The following KIF26B variants were observed in gnomAD, a reference collection of about 807,000 sequenced individuals.
KIF26B encodes kinesin family member 26B.
Under a neutral mutation model 151.2 loss-of-function variants are expected in KIF26B, and 63 were observed. The observed-to-expected ratio is 0.42, with a 90% CI of 0.34 to 0.51. The LOEUF (loss-of-function observed/expected upper bound fraction) is 0.51, where lower values mean the gene tolerates loss of function less well. Ranked by LOEUF, KIF26B falls within the 20% of genes least tolerant of loss-of-function variation. KIF26B has a pLI of 0.07. For missense variants in KIF26B, 2,813 were observed against 2,913.6 expected, an observed-to-expected ratio of 0.97 and a Z score of 0.79; for synonymous variants, 1,357 against 1,262.1, an observed-to-expected ratio of 1.08 and a Z score of -1.59.
At chr1:245,677,903 C>G (rs1434018268) in intron 10 of KIF26B, among the ~76,000 whole-genome samples, 1 of 152,242 alleles carries the variant, frequency 6.6e-6, no homozygotes, top group Non-Finnish European at 1.5e-5. Context: ...CAGAATTGCC[C>G]TCAGCAGAGC....
chr1:245,545,298 C>T lies in KIF26B; in HGVS notation c.1350+4348C>T, dbSNP rs540145433. Among the ~76,000 whole-genome samples the T allele has an allele frequency of 1.2e-4, 18 of 152,248 alleles. No homozygotes were observed. In the South Asian group the frequency reaches 1.2e-3, roughly 11 times the overall value. ...TGTATTTTTAGTAGAGACGGGGTTT[C>T]TCCATCTTGGCGAGGCTGGTCTCAA... On this transcript the variant is annotated intron_variant, in intron 5 of 14. Transcript: ENST00000407071.
chr1:245,307,302 G>C (rs147204020), intron 2 of KIF26B, among the ~76,000 whole-genome samples: 2 of 152,278 alleles, frequency 1.3e-5, no homozygotes, highest in East Asian at 3.9e-4. Flanking sequence ...CAGAAGCTCT[G>C]TGAAAACACT....
At chr1:245,202,061 G>A (rs903950976) in intron 2 of KIF26B, among the ~76,000 whole-genome samples, 2 of 152,164 alleles carry the variant, frequency 1.3e-5, no homozygotes, top group African/African-American at 4.8e-5. Flanking sequence ...ATTTAGGATT[G>A]CGAGGCAGGC....
rs546364289 is a variant in KIF26B at position 245,688,939 on chromosome 1, A to G, written c.5824+132A>G. On this transcript the variant is annotated intron_variant, in intron 12 of 14. Transcript: ENST00000407071. ...CTGGCCTCTCCTTGCAGGTGGGCGA[A>G]CTGCCCAAACCCCACTGCCAGGGTG... is the stretch of plus-strand genomic sequence containing the variant. 73 of 1,143,628 alleles carry G rather than the reference A, an allele frequency of 6.4e-5. No homozygotes were observed. In the African/African-American group the frequency reaches 6.5e-4, roughly 10 times the overall value. The allele number at this position is 1,143,628 out of a possible 1,614,324, so 70.8% of individuals were successfully genotyped here.
intron 9 of KIF26B, among the ~76,000 whole-genome samples, chr1:245,630,166 C>CAGA (rs148219918): frequency 0.079 from 11,969 of 152,158 alleles, 580 homozygotes; most frequent in Admixed American, 0.16. Flanking sequence ...CTGTGGAAGA[C>CAGA]AGTGTGGTGA....
intron 4 of KIF26B, among the ~76,000 whole-genome samples, chr1:245,474,710 G>A (rs999134110): frequency 6.6e-6 from 1 of 151,824 alleles, no homozygotes; most frequent in Non-Finnish European, 1.5e-5. Context: ...ACCGCACGCA[G>A]CCTCAAACAC....
At position 245,318,041 on chromosome 1, in the gene KIF26B, T is replaced by C. The variant is rs1040776997; in HGVS notation, c.466-48793T>C. Among the ~76,000 whole-genome samples, 4 of 152,262 alleles carry C rather than the reference T, an allele frequency of 2.6e-5. No individual in the cohort carries two copies. The highest frequency in any genetic ancestry group is 9.6e-5 in the African/African-American group (4 of 41,550). On this transcript the variant is annotated intron_variant, in intron 2 of 14. Transcript: ENST00000407071. This position sits in a 1 kb window ranked among gnomAD's most constrained non-coding sequence, Gnocchi z 4.0. ...TTCCAGGTTAGTGCAGCGCCTGACCTCTCTCCAGAGGCACCCTCGTTTAGA... is the reference window on the plus strand; with the variant it reads ...TTCCAGGTTAGTGCAGCGCCTGACCCCTCTCCAGAGGCACCCTCGTTTAGA...
chr1:245,382,179 C>A (rs528220600), intron 3 of KIF26B, among the ~76,000 whole-genome samples: 1 of 152,284 alleles, frequency 6.6e-6, no homozygotes, highest in South Asian at 2.1e-4. Flanking sequence ...ATTTTACACT[C>A]CCACAAGAGT....
chr1:245,423,528 G>A (rs1658546879), intron 4 of KIF26B, among the ~76,000 whole-genome samples: 1 of 151,830 alleles, frequency 6.6e-6, no homozygotes, highest in Non-Finnish European at 1.5e-5. Context: ...TATAAAACAG[G>A]TGTGAAACTA....
At chr1:245,159,477 C>T (rs897860461) in intron 2 of KIF26B, among the ~76,000 whole-genome samples, 6 of 152,094 alleles carry the variant, frequency 3.9e-5, no homozygotes, top group Admixed American at 3.3e-4. Context: ...ACTATTAAAA[C>T]GTCATTAAAA....
rs1370938223 is a variant in KIF26B at position 245,488,197 on chromosome 1, C to T, written c.1167-52570C>T. Among the ~76,000 whole-genome samples the T allele has an allele frequency of 6.6e-6, 1 of 152,112 alleles. No homozygotes were observed. Among genetic ancestry groups the T allele is most frequent in the Admixed American group, 6.6e-5 (1 of 15,258 alleles). The stretch of plus-strand genomic sequence containing the variant: ...TTGGCCTCCCAAAGCACTGAGATTA[C>T]CAGCGTGAGCCACCACACTGGCCAA... On this transcript the variant is annotated intron_variant, in intron 4 of 14. Transcript: ENST00000407071. This position sits in a 1 kb window ranked among gnomAD's most constrained non-coding sequence, Gnocchi z 4.6.
chr1:245,540,818 C>T lies in KIF26B; in HGVS notation c.1218C>T (p.Ser406=), dbSNP rs375879990. The change falls in exon 5 of 15, where the codon TCC becomes TCT. Residue 406 remains serine (S), a synonymous_variant. Transcript: ENST00000407071. This position sits in a 1 kb window ranked among gnomAD's most constrained non-coding sequence, Gnocchi z 4.6. ...CTAAAAAGAAGAAACATCGGCCTTC[C>T]ACTTCTTCCGCTGCCGAACCACCGC... ...LSSKKKKHRP[S]TSSAAEPPLF... 3.2e-4 allele frequency: 514 copies of T among 1,613,926 alleles called. No individual in the cohort carries two copies. Among genetic ancestry groups the T allele is most frequent in the Non-Finnish European group, 4.1e-4 (478 of 1,179,870 alleles).
chr1:245,445,074 C>G (rs1659216535), intron 4 of KIF26B, among the ~76,000 whole-genome samples: 1 of 152,160 alleles, frequency 6.6e-6, no homozygotes. Context: ...GTCCTTTGCT[C>G]ACTTCGTATC....
chr1:245,283,186 A>C (rs1416417658), intron 2 of KIF26B: 1 of 158,068 alleles, frequency 6.3e-6, no homozygotes. Context: ...GGAGAGCAAC[A>C]CAGCCACTGA....
In KIF26B at chr1:245,487,435, G is replaced by C. The variant is rs72762842; in HGVS notation, c.1167-53332G>C. On this transcript the variant is annotated intron_variant, in intron 4 of 14. Transcript: ENST00000407071. ...GGCCTACGTGCTGGCCAGTACTCTA[G>C]CCTGGAAAAGTGCAAGACCTTCTGC... Among the ~76,000 whole-genome samples, 503 of 152,274 alleles carry C rather than the reference G, an allele frequency of 3.3e-3. 1 individual carries two copies. Among genetic ancestry groups the C allele is most frequent in the Non-Finnish European group, 5.9e-3 (400 of 68,030 alleles).
chr1:245,709,168 T>A lies in KIF26B; in HGVS notation c.*6562T>A, dbSNP rs2044876323. 6.6e-6 allele frequency: 1 copy of A among 152,180 alleles called. No individual in the cohort carries two copies. Among genetic ancestry groups the A allele is most frequent in the Non-Finnish European group, 1.5e-5 (1 of 68,038 alleles). The allele number at this position is 152,180 out of a possible 1,614,324, so 9.4% of individuals were successfully genotyped here. A position where few individuals can be genotyped will look rare whatever the true frequency, so the allele number is the denominator to read the frequency against. ...GTTTTGTGCATGGGCCTTTGCAAGC[T>A]ATATAAACGTTAGGTGTTGGCTTGA... is the stretch of plus-strand genomic sequence containing the variant. On this transcript the variant is annotated 3_prime_UTR_variant, in exon 15 of 15. Transcript: ENST00000407071.
intron 2 of KIF26B, among the ~76,000 whole-genome samples, chr1:245,271,582 C>G (rs73128842): frequency 0.018 from 2,282 of 127,028 alleles, 57 homozygotes; most frequent in African/African-American, 0.061. Flanking sequence ...CAGTCAAATG[C>G]TTTTTTTTTT....
At chr1:245,190,522 C>T (rs371921186) in intron 2 of KIF26B, among the ~76,000 whole-genome samples, 1 of 151,952 alleles carries the variant, frequency 6.6e-6, no homozygotes, top group South Asian at 2.1e-4. Context: ...CTCATTTTCC[C>T]GGGAGTACCT....
intron 3 of KIF26B, among the ~76,000 whole-genome samples, chr1:245,379,810 A>C (rs946671778): frequency 1.3e-5 from 2 of 152,066 alleles, no homozygotes; most frequent in African/African-American, 2.4e-5. Flanking sequence ...GTCTCTACTA[A>C]AATCACAAAA....
Sources: allele counts gnomAD v4.1 joint callset (sites outside exome capture counted in the v4.1 genomes callset), GRCh38; gene constraint gnomAD v4.1.1; non-coding constraint Gnocchi (gnomAD v3.1); transcripts MANE v1.5; gene names NCBI Gene and HGNC (gene_info 2026-07-23, HGNC 2026-07-21).